The following ADGRL2 variants were observed in gnomAD, a reference collection of about 807,000 sequenced individuals.
ADGRL2 encodes the protein adhesion G protein-coupled receptor L2, also known as calcium-independent alpha-latrotoxin receptor 2.
Under a neutral mutation model 157.4 loss-of-function variants are expected in ADGRL2, and 44 were observed. That is an observed-to-expected ratio of 0.28 (90% confidence interval 0.22 to 0.36). The LOEUF (loss-of-function observed/expected upper bound fraction) is 0.36. Ranked by LOEUF, ADGRL2 falls within the 10% of genes least tolerant of loss-of-function variation. The probability of loss-of-function intolerance (pLI) is 1.00; values close to 1 mark genes in which losing one functional copy is unlikely to be tolerated. For missense variants in ADGRL2, 1,510 were observed against 1,768.9 expected (o/e 0.85, Z 2.63); for synonymous variants, 585 against 624.7 (o/e 0.94, Z 0.95).
chr1:81,727,752 T>C (rs2084584909), intron 1 of ADGRL2, among the ~76,000 whole-genome samples: 1 of 152,140 alleles, frequency 6.6e-6, no homozygotes, highest in South Asian at 2.1e-4. Flanking sequence ...TTTTACATAA[T>C]CATATGGTCT....
At chr1:81,577,941 T>C (rs1014472015) in intron 2 of ADGRL2, among the ~76,000 whole-genome samples, 1 of 152,182 alleles carries the variant, frequency 6.6e-6, no homozygotes, top group Admixed American at 6.6e-5. Context: ...TAGGAAAGCA[T>C]TTAAAGTAGA....
intron 1 of ADGRL2, among the ~76,000 whole-genome samples, chr1:81,399,050 A>G (rs780078634): frequency 6.6e-6 from 1 of 152,318 alleles, no homozygotes; most frequent in East Asian, 1.9e-4. Flanking sequence ...AACAGGAAGC[A>G]TGACTGGGAG....
intron 1 of ADGRL2, among the ~76,000 whole-genome samples, chr1:81,371,041 C>T (rs1362528864): frequency 6.6e-6 from 1 of 152,030 alleles, no homozygotes; most frequent in African/African-American, 2.4e-5. Context: ...GCCATGTGTA[C>T]CCAAGTGAGG....
chr1:81,761,835 T>G (rs2085891938), exon 2 of ADGRL2: 1 of 152,016 alleles, frequency 6.6e-6, no homozygotes, highest in Non-Finnish European at 1.5e-5. Flanking sequence ...AATGAAAAAT[T>G]TCATCTTTCC....
chr1:81,570,514 A>G (rs2080663588), intron 2 of ADGRL2, among the ~76,000 whole-genome samples: 1 of 151,970 alleles, frequency 6.6e-6, no homozygotes, highest in South Asian at 2.1e-4. Flanking sequence ...TCAGCCTCCC[A>G]AGTAGCTGGG....
chr1:81,336,308 T>G (rs1557606316), intron 1 of ADGRL2, among the ~76,000 whole-genome samples: 1 of 152,202 alleles, frequency 6.6e-6, no homozygotes, highest in African/African-American at 2.4e-5. Flanking sequence ...GTGATACTAA[T>G]CAAGGATTAG....
chr1:81,685,629 T>C (rs2083213506), intron 3 of ADGRL2, among the ~76,000 whole-genome samples: 1 of 152,202 alleles, frequency 6.6e-6, no homozygotes, highest in Admixed American at 6.5e-5. Context: ...CCTTTATTTC[T>C]TTCTCTTGTC....
intron 1 of ADGRL2, among the ~76,000 whole-genome samples, chr1:81,397,509 C>T (rs534100624): frequency 4.0e-5 from 6 of 151,706 alleles, no homozygotes; most frequent in Middle Eastern, 3.4e-3. Context: ...TTAGTAGAGA[C>T]GGGGTTTCAC....
intron 2 of ADGRL2, among the ~76,000 whole-genome samples, chr1:81,777,446 T>C (rs144336916): frequency 1.3e-5 from 2 of 152,324 alleles, no homozygotes; most frequent in Non-Finnish European, 2.9e-5. Flanking sequence ...AACCAAAAGA[T>C]GTATTTTTAG....
At chr1:81,653,004 T>G (rs2148847947) in intron 3 of ADGRL2, among the ~76,000 whole-genome samples, 1 of 152,292 alleles carries the variant, frequency 6.6e-6, no homozygotes, top group East Asian at 1.9e-4. Flanking sequence ...ACAGTCTAGA[T>G]TTTATTAACT....
chr1:81,604,704 A>T (rs943211017), intron 3 of ADGRL2, among the ~76,000 whole-genome samples: 2 of 152,152 alleles, frequency 1.3e-5, no homozygotes, highest in African/African-American at 4.8e-5. Flanking sequence ...GTACCATGTC[A>T]AATCTTGTCT....
At position 81,430,047 on chromosome 1, in the gene ADGRL2, C is replaced by T. The variant is rs1252449729; in HGVS notation, c.-301-14989C>T. Among the ~76,000 whole-genome samples, 7 of 152,316 alleles carry T rather than the reference C, an allele frequency of 4.6e-5. No homozygotes were observed. In the East Asian group the frequency reaches 7.7e-4, roughly 17 times the overall value. ...TAGCTGGGATTACAGGCATGCACCG[C>T]CACGCCTGGCTTATTTTGTATTTTC... is the stretch of plus-strand genomic sequence containing the variant. On this transcript the variant is annotated intron_variant, in intron 1 of 24. Transcript: ENST00000370721.
chr1:81,854,935 G>C (rs2093150589), intron 2 of ADGRL2, among the ~76,000 whole-genome samples: 1 of 152,138 alleles, frequency 6.6e-6, no homozygotes, highest in Non-Finnish European at 1.5e-5. Flanking sequence ...GTTAGAATTT[G>C]ATCATGTAGG....
chr1:81,432,663 C>T (rs1371787241), intron 1 of ADGRL2, among the ~76,000 whole-genome samples: 1 of 152,080 alleles, frequency 6.6e-6, no homozygotes. Context: ...CATCTTCCTG[C>T]CCCCCTCCTC....
At chr1:81,390,054 A>G (rs1252611839) in intron 1 of ADGRL2, among the ~76,000 whole-genome samples, 1 of 136,686 alleles carries the variant, frequency 7.3e-6, no homozygotes, top group Non-Finnish European at 1.6e-5. Context: ...TCACCTTTCT[A>G]CCACTCACCT....
chr1:81,455,827 G>C lies in ADGRL2; in HGVS notation c.-248+10738G>C, dbSNP rs115912707. 9.4e-3 allele frequency among the ~76,000 whole-genome samples: 1,424 copies of C among 152,292 alleles called. 36 individuals are homozygous for C. Among genetic ancestry groups the C allele is most frequent in the Admixed American group, 0.057 (866 of 15,292 alleles). ...GGAGTTAGAGTGGTGATTTTAGAAA[G>C]ACTGGAAATAGGAAAGGATGAATCA... On this transcript the variant is annotated intron_variant, in intron 2 of 24. Transcript: ENST00000370721.
chr1:81,643,349 G>A (rs1479959992), intron 3 of ADGRL2, among the ~76,000 whole-genome samples: 3 of 152,178 alleles, frequency 2.0e-5, no homozygotes, highest in African/African-American at 7.2e-5. Context: ...GTCTCGCTCT[G>A]TTGCTCAGGC....
intron 2 of ADGRL2, among the ~76,000 whole-genome samples, chr1:81,487,107 AAAG>A (rs1378753452): frequency 5.1e-3 from 601 of 117,364 alleles, no homozygotes; most frequent in Non-Finnish European, 7.2e-3. Flanking sequence ...AAAAAAAAAA[AAAG>A]AAAGTAAATC....
rs768165323 is a variant in ADGRL2 at position 81,460,697 on chromosome 1, C to A, written c.-248+15608C>A. Among the ~76,000 whole-genome samples, 10 of 152,150 alleles carry A rather than the reference C, an allele frequency of 6.6e-5. No homozygotes were observed. In the South Asian group the frequency reaches 1.9e-3, roughly 28 times the overall value. On this transcript the variant is annotated intron_variant, in intron 2 of 24. Coordinates refer to the ADGRL2 transcript ENST00000370721. ...GGAGTTTGAAGAGCCACCCCTTTTA[C>A]TTTATTAACAAAGAATAAAATGGTC...
Sources: allele counts gnomAD v4.1 joint callset (sites outside exome capture counted in the v4.1 genomes callset), GRCh38; gene constraint gnomAD v4.1.1; transcripts MANE v1.5; gene names NCBI Gene and HGNC (gene_info 2026-07-23, HGNC 2026-07-21).